LBH: variants seen among roughly 807,000 people sequenced by gnomAD.
LBH encodes the protein LBH regulator of Wnt signaling pathway.
A neutral mutation model predicts 12.5 loss-of-function variants in LBH; 7 were observed. The observed-to-expected ratio is 0.56, with a 90% confidence interval of 0.32 to 1.05. LBH has a LOEUF of 1.05. Among genes scored for constraint, LBH ranks in the 50% least tolerant of loss-of-function variants. LBH has a pLI of 0.04. For synonymous variants in LBH, 51 were observed against 50.1 expected (o/e 1.02, Z -0.08); for missense variants, 119 against 138.9 (o/e 0.86, Z 0.72).
In LBH at chr2:30,258,568, TCTC is replaced by T. The variant is rs1185874581; in HGVS notation, c.*951_*953del. 1 of 153,038 alleles carries T rather than the reference TCTC, an allele frequency of 6.5e-6. No individual in the cohort carries two copies. The highest frequency in any genetic ancestry group is 1.5e-5 in the Non-Finnish European group (1 of 68,876). 9.5% of individuals were successfully genotyped at this position (153,038 alleles called of 1,614,324 possible). On this transcript the variant is annotated 3_prime_UTR_variant, in exon 3 of 3. Coordinates refer to ENST00000395323, the MANE Select transcript of LBH (RefSeq NM_030915.4). ...GTGGTCTTCCAGGCTGGCCCTTCCTTCTCCTCACCGCCACCTTCCCTGCCCCAG... is the reference window on the plus strand; with the variant it reads ...GTGGTCTTCCAGGCTGGCCCTTCCTTCTCACCGCCACCTTCCCTGCCCCAG...
At chr2:30,234,564 G>A in intron 2 of LBH, 57 bp downstream of exon 2, 1 of 1,340,388 alleles carries the variant, frequency 7.5e-7, no homozygotes, top group Non-Finnish European at 1.1e-6. Flanking sequence ...TTTGCTGGGG[G>A]TGAGGACAGA....
intron 2 of LBH, among the ~76,000 whole-genome samples, chr2:30,238,545 C>T (rs74858102): frequency 0.014 from 2,081 of 152,338 alleles, 23 homozygotes; most frequent in South Asian, 0.071. Context: ...CCAGGAGGAG[C>T]GATTTCTTCA....
At chr2:30,243,748 C>T (rs1176433319) in intron 2 of LBH, among the ~76,000 whole-genome samples, 1 of 152,012 alleles carries the variant, frequency 6.6e-6, no homozygotes, top group Non-Finnish European at 1.5e-5. Flanking sequence ...AGGCTGTTCT[C>T]GAACTCCTGA....
At position 30,231,768 on chromosome 2, in the gene LBH, A is replaced by G; in HGVS notation, c.26+4A>G. ...CTATATATTTCCCCATTCACTGGTG[A>G]GTACCCTGCGCCTGCGGCGGGCGTC... On this transcript the variant is annotated splice_donor_region_variant and intron_variant, in intron 1 of 2. Coordinates refer to ENST00000395323, the MANE Select transcript of LBH (RefSeq NM_030915.4). 1 of 1,568,128 alleles carries G rather than the reference A, an allele frequency of 6.4e-7. No homozygotes were observed. Among genetic ancestry groups the G allele is most frequent in the Non-Finnish European group, 8.6e-7 (1 of 1,159,094 alleles).
At chr2:30,248,985 A>T (rs1677924824) in intron 2 of LBH, among the ~76,000 whole-genome samples, 1 of 150,904 alleles carries the variant, frequency 6.6e-6, no homozygotes, top group Non-Finnish European at 1.5e-5. Flanking sequence ...CCTCTATAGG[A>T]TTAGAGGCAC....
At chr2:30,232,256 G>GTTTCC in intron 1 of LBH, 1 of 1,503,076 alleles carries the variant, frequency 6.7e-7, no homozygotes, top group Non-Finnish European at 8.9e-7. Flanking sequence ...GGCGGGAAAC[G>GTTTCC]CTCTCCCCAC....
intron 1 of LBH, chr2:30,232,276 C>A: frequency 6.7e-7 from 1 of 1,484,180 alleles, no homozygotes; most frequent in Non-Finnish European, 9.0e-7. Context: ...CACGTAACCC[C>A]ACTAAAGCCA....
chr2:30,243,524 T>TC (rs1677823660), intron 2 of LBH, among the ~76,000 whole-genome samples: 1 of 141,940 alleles, frequency 7.0e-6, no homozygotes, highest in African/African-American at 2.6e-5. Context: ...TGGGCTGGAC[T>TC]CTTTTTTTTT....
intron 2 of LBH, among the ~76,000 whole-genome samples, chr2:30,252,517 CCGGGCGTGGTGG>C (rs1455829954): frequency 2.0e-5 from 3 of 152,134 alleles, no homozygotes; most frequent in Non-Finnish European, 4.4e-5. Context: ...AAAAAATTAG[CCGGGCGTGGTGG>C]CGGGCGCCTG....
chr2:30,255,075 C>T (rs1678056570), intron 2 of LBH, among the ~76,000 whole-genome samples: 1 of 152,258 alleles, frequency 6.6e-6, no homozygotes, highest in Admixed American at 6.5e-5. Context: ...GCCATGTGAC[C>T]CACAGAGTCC....
chr2:30,236,870 G>T (rs13411378), intron 2 of LBH, among the ~76,000 whole-genome samples: 2,928 of 152,304 alleles, frequency 0.019, 76 homozygotes, highest in East Asian at 0.097. Context: ...ACTTTGAGAG[G>T]GCAGTTCCAT....
In LBH at chr2:30,231,638, C is replaced by T. The variant is rs1428458070; in HGVS notation, c.-101C>T. ...ACGGCGAGCGCCCGGTGTCCGCACT[C>T]GGCCGCCTGCCGTGCCCGTCTGCGC... On this transcript the variant is annotated 5_prime_UTR_variant, in exon 1 of 3. Coordinates refer to ENST00000395323, the MANE Select transcript of LBH (RefSeq NM_030915.4). 3 of 1,246,246 alleles carry T rather than the reference C, an allele frequency of 2.4e-6. No individual in the cohort carries two copies. The highest frequency in any genetic ancestry group is 1.8e-5 in the Admixed American group (1 of 54,440). The allele number at this position is 1,246,246 out of a possible 1,614,324, so 77.2% of individuals were successfully genotyped here. A position where few individuals can be genotyped will look rare whatever the true frequency, so the allele number is the denominator to read the frequency against.
chr2:30,248,134 C>A (rs1468190144), intron 2 of LBH, among the ~76,000 whole-genome samples: 1 of 151,868 alleles, frequency 6.6e-6, no homozygotes, highest in Non-Finnish European at 1.5e-5. Flanking sequence ...AAGGCATATA[C>A]CTCTAGGAAT....
At position 30,257,645 on chromosome 2, in the gene LBH, C is replaced by A; in HGVS notation, c.*24C>A. 3 of 1,529,104 alleles carry A rather than the reference C, an allele frequency of 2.0e-6. No homozygotes were observed. The South Asian group carries it at 3.6e-5, about 18-fold the overall frequency. 94.7% of individuals were successfully genotyped at this position (1,529,104 alleles called of 1,614,324 possible). On this transcript the variant is annotated 3_prime_UTR_variant, in exon 3 of 3. Coordinates refer to ENST00000395323, the MANE Select transcript of LBH (RefSeq NM_030915.4). ...AGAGTCCCTGTGGACTCCCATGGGT[C>A]ATACCAGCCAGCATCTGTTCCTGAA...
rs916053348 is a variant in LBH, at chr2:30,232,089, G to A, written c.26+325G>A. ...AAACCACCCTATGCGGAGAGCTGCA[G>A]GAGGCGCGCGCCCCACTTGGCGCAG... On this transcript the variant is annotated intron_variant, in intron 1 of 2. Coordinates refer to ENST00000395323, the MANE Select transcript of LBH (RefSeq NM_030915.4). The A allele has an allele frequency of 4.6e-6, 7 of 1,534,278 alleles. No homozygotes were observed. In the Admixed American group the frequency reaches 1.0e-4, roughly 22 times the overall value.
At chr2:30,242,920 T>G (rs1677813803) in intron 2 of LBH, among the ~76,000 whole-genome samples, 1 of 152,246 alleles carries the variant, frequency 6.6e-6, no homozygotes, top group Non-Finnish European at 1.5e-5. Flanking sequence ...GTAGAATTAC[T>G]GATTCAAAGA....
chr2:30,241,460 CTT>C (rs777223190), intron 2 of LBH, among the ~76,000 whole-genome samples: 5 of 132,602 alleles, frequency 3.8e-5, no homozygotes, highest in Admixed American at 8.2e-5. Context: ...TTCTTTCTTT[CTT>C]TTTTTTTTTT....
At chr2:30,248,741 A>G (rs1364044447) in intron 2 of LBH, among the ~76,000 whole-genome samples, 2 of 152,212 alleles carry the variant, frequency 1.3e-5, no homozygotes, top group Non-Finnish European at 2.9e-5. Context: ...TAACATTCCA[A>G]AAGCCTCCTC....
chr2:30,257,329 C>A, intron 2 of LBH, 104 bp from the exon 3 acceptor site: 3 of 1,271,020 alleles, frequency 2.4e-6, no homozygotes, highest in Non-Finnish European at 2.3e-6. Flanking sequence ...CAGTCCCTGG[C>A]CTATGGCATG....
Sources: gnomAD v4.1 joint callset for allele counts (sites outside exome capture counted in the v4.1 genomes callset) on GRCh38, gnomAD v4.1.1 for gene constraint, MANE v1.5 for transcripts, NCBI Gene and HGNC (gene_info 2026-07-23, HGNC 2026-07-21) for gene names.